The following SORT1 variants were observed in gnomAD, a reference collection of about 807,000 sequenced individuals.
The protein encoded by SORT1 is sortilin 1, also known as sortilin.
In SORT1, 39 loss-of-function variants were observed where a neutral mutation model predicts 101.7. That is an observed-to-expected ratio of 0.38 (90% confidence interval 0.30 to 0.50). The LOEUF (loss-of-function observed/expected upper bound fraction) is 0.50, where lower values mean the gene tolerates loss of function less well. Ranked by LOEUF, SORT1 falls within the 20% of genes least tolerant of loss-of-function variation. The pLI is 0.90. For synonymous variants in SORT1, 396 were observed against 393.7 expected (o/e 1.01, Z -0.07); for missense variants, 878 against 1,040.4 (o/e 0.84, Z 2.15).
chr1:109,397,697 C>T lies in SORT1; in HGVS notation c.196G>A (p.Gly66Arg). Reference sequence around the variant, plus strand: ...CGGCCGCCGCGGGGAAACGCGCCCCCGGCTGCGGCCGCCCGCAGCCCCCAG... The same window carrying T: ...CGGCCGCCGCGGGGAAACGCGCCCCTGGCTGCGGCCGCCCGCAGCCCCCAG... ...VSWGLRAAAA[G>R]GAFPRGGRWR... The change falls in exon 1 of 20, where the codon GGG (glycine) becomes AGG (arginine). Residue 66 changes from glycine to arginine, a missense_variant. Gly to Arg is a moderately radical substitution (Grantham distance 125). This residue lies in a region of SORT1 where 194 missense variants were observed against 145.9 expected (regional missense o/e 1.33). Coordinates refer to ENST00000256637, the MANE Select transcript of SORT1 (RefSeq NM_002959.7). 1 of 1,190,222 alleles carries T rather than the reference C, an allele frequency of 8.4e-7. No homozygotes were observed. The highest frequency in any genetic ancestry group is 1.0e-6 in the Non-Finnish European group (1 of 962,880). 73.7% of individuals were successfully genotyped at this position (1,190,222 alleles called of 1,614,324 possible). A position where few individuals can be genotyped will look rare whatever the true frequency, so the allele number is the denominator to read the frequency against.
At chr1:109,335,161 A>G (rs1418167542) in intron 11 of SORT1, among the ~76,000 whole-genome samples, 4 of 152,118 alleles carry the variant, frequency 2.6e-5, no homozygotes, top group Admixed American at 2.6e-4. Flanking sequence ...GGATAAGGTG[A>G]GCAATGACAA....
At chr1:109,360,335 CA>C (rs892194569) in intron 3 of SORT1, among the ~76,000 whole-genome samples, 1 of 151,964 alleles carries the variant, frequency 6.6e-6, no homozygotes, top group Non-Finnish European at 1.5e-5. Flanking sequence ...GACCCTGTGT[CA>C]AAAGTAAATA....
At chr1:109,386,358 A>G (rs1557827313) in intron 1 of SORT1, among the ~76,000 whole-genome samples, 1 of 152,240 alleles carries the variant, frequency 6.6e-6, no homozygotes, top group South Asian at 2.1e-4. Context: ...GTTGTATTAC[A>G]TGGCACAGTC....
chr1:109,397,665 A>C lies in SORT1; in HGVS notation c.228T>G (p.Arg76=). 8.3e-7 allele frequency: 1 copy of C among 1,212,048 alleles called. No homozygotes were observed. The highest frequency in any genetic ancestry group is 1.0e-6 in the Non-Finnish European group (1 of 972,256). The allele number at this position is 1,212,048 out of a possible 1,614,324, so 75.1% of individuals were successfully genotyped here. A position where few individuals can be genotyped will look rare whatever the true frequency, so the allele number is the denominator to read the frequency against. ...GGAFPRGGRW[R]RSAPGEDEEC... ...CCTCGTCCTCGCCCGGCGCGCTGCG[A>C]CGCCAACGGCCGCCGCGGGGAAACG... The change falls in exon 1 of 20, where the codon CGT becomes CGG. Residue 76 remains arginine (R), a synonymous_variant. Coordinates refer to ENST00000256637, the MANE Select transcript of SORT1 (RefSeq NM_002959.7).
intron 3 of SORT1, among the ~76,000 whole-genome samples, 176 bp from the exon 4 acceptor site, chr1:109,355,645 GC>G (rs67471448): frequency 0.23 from 21,001 of 90,572 alleles, 3,213 homozygotes; most frequent in African/African-American, 0.42. Context: ...CATTCCACCC[GC>G]CCCCCCCCCC....
At chr1:109,364,099 C>A (rs1650921378) in intron 3 of SORT1, among the ~76,000 whole-genome samples, 1 of 152,052 alleles carries the variant, frequency 6.6e-6, no homozygotes. Context: ...AAACAAAAAA[C>A]TGCTGGGTAA....
intron 10 of SORT1, 107 bp from the exon 11 acceptor site, chr1:109,336,453 C>A: frequency 1.4e-6 from 1 of 729,336 alleles, no homozygotes; most frequent in Middle Eastern, 2.5e-4. Flanking sequence ...CACCTGGAGT[C>A]CGACAAGCTT....
chr1:109,376,330 CA>C (rs35117356), intron 1 of SORT1, among the ~76,000 whole-genome samples: 54,973 of 93,528 alleles, frequency 0.59, 13,433 homozygotes, highest in East Asian at 0.87. Context: ...GACTCCATCT[CA>C]AAAAAAAAAA....
At chr1:109,345,295 A>T (rs188809524) in intron 8 of SORT1, among the ~76,000 whole-genome samples, 1 of 152,252 alleles carries the variant, frequency 6.6e-6, no homozygotes, top group Non-Finnish European at 1.5e-5. Flanking sequence ...CGGGGGGATC[A>T]CCTGAGCTCA....
intron 13 of SORT1, among the ~76,000 whole-genome samples, 192 bp from the exon 14 acceptor site, chr1:109,325,281 G>A (rs919819260): frequency 2.6e-4 from 38 of 146,080 alleles, no homozygotes; most frequent in African/African-American, 7.8e-4. Flanking sequence ...CTCTGTCACC[G>A]GGCTGGAGTG....
At chr1:109,326,182 G>A (rs1403220371) in intron 13 of SORT1, among the ~76,000 whole-genome samples, 10 of 147,266 alleles carry the variant, frequency 6.8e-5, no homozygotes, top group African/African-American at 2.5e-4. Context: ...CAAGTAGCTG[G>A]AACCAAAGGC....
chr1:109,363,521 A>C (rs1410792988), intron 3 of SORT1, among the ~76,000 whole-genome samples: 1 of 152,192 alleles, frequency 6.6e-6, no homozygotes, highest in Non-Finnish European at 1.5e-5. Flanking sequence ...ATACACATAC[A>C]TATAATCTCC....
chr1:109,364,425 G>A (rs914981878), intron 3 of SORT1, among the ~76,000 whole-genome samples: 7 of 152,266 alleles, frequency 4.6e-5, no homozygotes, highest in Admixed American at 6.5e-5. Context: ...CTACTGAAGA[G>A]TGAACTAGAA....
intron 11 of SORT1, 145 bp from the exon 12 acceptor site, chr1:109,327,746 G>C: frequency 2.0e-6 from 1 of 492,538 alleles, no homozygotes; most frequent in South Asian, 3.4e-5. Flanking sequence ...TACTATTTAG[G>C]TGTATAGTTC....
At chr1:109,336,070 C>G (rs72646571) in intron 11 of SORT1, among the ~76,000 whole-genome samples, 170 bp downstream of exon 11, 150 of 152,318 alleles carry the variant, frequency 9.8e-4, no homozygotes, top group Non-Finnish European at 1.9e-3. Context: ...GACCTTTCCT[C>G]AGTTCTTACT....
intron 1 of SORT1, among the ~76,000 whole-genome samples, chr1:109,370,547 T>G (rs1362330295): frequency 6.6e-6 from 1 of 152,194 alleles, no homozygotes; most frequent in African/African-American, 2.4e-5. Flanking sequence ...AGAGTCTATA[T>G]AGCAAAGAGT....
rs1212159387 is a variant in SORT1, at chr1:109,312,063, C to T, written c.*1980G>A. 1 of 152,134 alleles carries T rather than the reference C, an allele frequency of 6.6e-6. No homozygotes were observed. The highest frequency in any genetic ancestry group is 1.5e-5 in the Non-Finnish European group (1 of 68,036). The allele number at this position is 152,134 out of a possible 1,614,324, so 9.4% of individuals were successfully genotyped here. ...TGGTTAGAGAAGAATATTGAGTTTC[C>T]TACGTCTTAAAATGAGTAAGAGGAT... is the stretch of plus-strand genomic sequence containing the variant. On this transcript the variant is annotated 3_prime_UTR_variant, in exon 20 of 20. Transcript: ENST00000256637.
At chr1:109,372,675 T>C (rs1308330167) in intron 1 of SORT1, among the ~76,000 whole-genome samples, 1 of 151,388 alleles carries the variant, frequency 6.6e-6, no homozygotes, top group African/African-American at 2.4e-5. Flanking sequence ...CCCCAGTACT[T>C]TGGGAGGCCG....
At chr1:109,380,104 T>G (rs925211190) in intron 1 of SORT1, among the ~76,000 whole-genome samples, 3 of 152,046 alleles carry the variant, frequency 2.0e-5, no homozygotes, top group Non-Finnish European at 4.4e-5. Context: ...AGTGAGACCC[T>G]GTCTCTACCA....
Sources: allele counts gnomAD v4.1 joint callset (sites outside exome capture counted in the v4.1 genomes callset), GRCh38; gene constraint gnomAD v4.1.1; regional missense constraint gnomAD v4.1.1; transcripts MANE v1.5; gene names NCBI Gene and HGNC (gene_info 2026-07-23, HGNC 2026-07-21).